Variants in INSL6 observed in about 807,000 individuals in gnomAD.
INSL6 encodes the protein insulin-like peptide INSL6.
In INSL6, 16 loss-of-function variants were observed where a neutral mutation model predicts 9.4. The ratio of observed to expected loss-of-function variants is 1.70; its 90% CI spans 1.15 to 2.59. INSL6 has a LOEUF of 2.59. Among genes scored for constraint, INSL6 ranks in the 30% most tolerant of loss-of-function variants. The pLI is 0.00. For synonymous variants in INSL6, 154 were observed against 96.9 expected, an observed-to-expected ratio of 1.59 and a Z score of -3.46; for missense variants, 391 against 257.3, an observed-to-expected ratio of 1.52 and a Z score of -3.56.
At chr9:5,080,980 C>G in the INSL6 span, among the ~76,000 whole-genome samples, 2 of 149,536 alleles carry the variant, frequency 1.3e-5, no homozygotes, top group African/African-American at 2.5e-5. Context: ...ACTGCAAGCT[C>G]CACCTCCAAG....
chr9:5,054,907 T>G, the INSL6 span: 3 of 1,479,662 alleles, frequency 2.0e-6, no homozygotes, highest in Non-Finnish European at 1.8e-6. This position sits in a 1 kb window ranked among gnomAD's most constrained non-coding sequence, Gnocchi z 4.9. Flanking sequence ...GATATGTTCT[T>G]GTTCTTTGTT....
At chr9:5,117,993 C>G in the INSL6 span, among the ~76,000 whole-genome samples, 1 of 152,052 alleles carries the variant, frequency 6.6e-6, no homozygotes, top group Non-Finnish European at 1.5e-5. Context: ...TAATTTTTTT[C>G]TTTGTAAGTA....
At chr9:4,998,101 T>G in the INSL6 span, among the ~76,000 whole-genome samples, 1 of 152,214 alleles carries the variant, frequency 6.6e-6, no homozygotes, top group Non-Finnish European at 1.5e-5. Flanking sequence ...GTTTTAAATA[T>G]TTCACGAGCA....
the INSL6 span, chr9:5,111,824 G>C: frequency 4.8e-6 from 2 of 415,354 alleles, no homozygotes; most frequent in African/African-American, 4.1e-5. Flanking sequence ...GGCGTCTCCA[G>C]CCACACGCCT....
At chr9:5,043,727 A>G in the INSL6 span, among the ~76,000 whole-genome samples, 1 of 152,388 alleles carries the variant, frequency 6.6e-6, no homozygotes, top group East Asian at 1.9e-4. Flanking sequence ...GGATACAGAA[A>G]AAGTGGTATA....
At chr9:5,105,253 T>TATACACCC in the INSL6 span, among the ~76,000 whole-genome samples, 3 of 152,210 alleles carry the variant, frequency 2.0e-5, no homozygotes, top group South Asian at 6.2e-4. Flanking sequence ...CAAGCATTCC[T>TATACACCC]ATACACCCAT....
At chr9:5,005,555 A>C in the INSL6 span, among the ~76,000 whole-genome samples, 1 of 152,116 alleles carries the variant, frequency 6.6e-6, no homozygotes, top group African/African-American at 2.4e-5. Context: ...TATTGGATTT[A>C]ATTTGCTAGT....
the INSL6 span, chr9:5,101,133 G>A: frequency 1.3e-5 from 2 of 152,260 alleles, no homozygotes; most frequent in Non-Finnish European, 2.9e-5. Flanking sequence ...CCAGCCAAGG[G>A]AAGCCATGAC....
At chr9:5,181,344 A>G (rs753625391) in intron 1 of INSL6, among the ~76,000 whole-genome samples, 2 of 152,184 alleles carry the variant, frequency 1.3e-5, no homozygotes, top group Non-Finnish European at 2.9e-5. Flanking sequence ...TAAATGACCA[A>G]TTAAATAAAA....
At chr9:5,085,246 G>T in the INSL6 span, 2 of 674,584 alleles carry the variant, frequency 3.0e-6, no homozygotes, top group Non-Finnish European at 5.7e-6. Context: ...AGGACCAGTG[G>T]CTAACCTGAG....
chr9:5,167,860 G>A (rs1419661488), intron 1 of INSL6, among the ~76,000 whole-genome samples: 1 of 152,196 alleles, frequency 6.6e-6, no homozygotes, highest in Non-Finnish European at 1.5e-5. Context: ...AAAGTTCTCA[G>A]AGGAAGGAGC....
intron 1 of INSL6, among the ~76,000 whole-genome samples, chr9:5,175,472 A>G (rs1186044608): frequency 6.6e-6 from 1 of 151,782 alleles, no homozygotes; most frequent in Non-Finnish European, 1.5e-5. Context: ...AATCTTAATG[A>G]CTCCTTGCAT....
intron 2 of INSL6, among the ~76,000 whole-genome samples, chr9:5,136,250 A>C (rs1002671739): frequency 6.6e-6 from 1 of 152,288 alleles, no homozygotes; most frequent in East Asian, 1.9e-4. Flanking sequence ...AAAAGAGGGA[A>C]TCCTCCCTAA....
chr9:5,017,092 G>C, the INSL6 span, among the ~76,000 whole-genome samples: 1 of 152,196 alleles, frequency 6.6e-6, no homozygotes, highest in Non-Finnish European at 1.5e-5. Flanking sequence ...ATGACATGTA[G>C]GAGTGATAGC....
At chr9:5,031,686 A>G in the INSL6 span, among the ~76,000 whole-genome samples, 8 of 152,370 alleles carry the variant, frequency 5.3e-5, no homozygotes, top group Middle Eastern at 3.4e-3. Flanking sequence ...GCAAAACAAT[A>G]GAAAAAATCA....
At chr9:5,072,645 T>C in the INSL6 span, 244 of 1,559,420 alleles carry the variant, frequency 1.6e-4, 1 homozygote, top group Middle Eastern at 4.2e-3. Context: ...GTTCTTTATA[T>C]TGTTCATGTA....
chr9:5,160,339 C>G (rs1302034327), downstream of INSL6, among the ~76,000 whole-genome samples: 3 of 152,054 alleles, frequency 2.0e-5, no homozygotes, highest in African/African-American at 7.2e-5. Flanking sequence ...ACAACATGCT[C>G]CTGAATGACC....
Position 5,172,820 on chromosome 9 carries a change from C to T in INSL6, c.290-8555G>A, listed in dbSNP as rs935996748. Among the ~76,000 whole-genome samples the T allele has an allele frequency of 3.3e-5, 5 of 151,642 alleles. No homozygotes were observed. In the East Asian group the frequency reaches 7.7e-4, roughly 23 times the overall value. On this transcript the variant is annotated intron_variant, in intron 1 of 1. Transcript: ENST00000381641. Reference sequence around the variant, plus strand: ...GTGTGTGCCTGTAGTCCCAGGTACTCGAGAGGCTGAGGCAGGAGAATTGCT... The same window carrying T: ...GTGTGTGCCTGTAGTCCCAGGTACTTGAGAGGCTGAGGCAGGAGAATTGCT...
the INSL6 span, among the ~76,000 whole-genome samples, chr9:5,045,443 A>G: frequency 1.3e-5 from 2 of 152,164 alleles, no homozygotes; most frequent in Non-Finnish European, 2.9e-5. Flanking sequence ...CATTTTAACC[A>G]TTTTAAGTGT....
Sources: gnomAD v4.1 joint callset for allele counts (sites outside exome capture counted in the v4.1 genomes callset) on GRCh38, gnomAD v4.1.1 for gene constraint, Gnocchi (gnomAD v3.1) non-coding constraint, MANE v1.5 for transcripts, NCBI Gene and HGNC (gene_info 2026-07-23, HGNC 2026-07-21) for gene names.